The following TIAM1 variants were observed in gnomAD, a reference collection of about 807,000 sequenced individuals.
TIAM1 encodes the protein rho guanine nucleotide exchange factor TIAM1.
TIAM1 carries 65 observed loss-of-function variants against 163.5 expected under a neutral mutation model. The ratio of observed to expected loss-of-function variants is 0.40; its 90% CI spans 0.33 to 0.49. The LOEUF (loss-of-function observed/expected upper bound fraction) is 0.49, where lower values mean the gene tolerates loss of function less well. Ranked by LOEUF, TIAM1 falls within the 20% of genes least tolerant of loss-of-function variation. The pLI, the probability that TIAM1 is intolerant of heterozygous loss-of-function variation, is 0.77. For missense variants in TIAM1, 1,789 were observed against 2,044.7 expected, an observed-to-expected ratio of 0.87 and a Z score of 2.41; for synonymous variants, 833 against 810.1, an observed-to-expected ratio of 1.03 and a Z score of -0.48.
At chr21:31,234,772 A>T (rs1319746597) in intron 6 of TIAM1, among the ~76,000 whole-genome samples, 1 of 44,556 alleles carries the variant, frequency 2.2e-5, no homozygotes, top group Non-Finnish European at 4.2e-5. Context: ...ACAGAGTGAG[A>T]CCCTGTCTCC....
upstream of TIAM1, among the ~76,000 whole-genome samples, chr21:31,344,672 A>G (rs2076112576): frequency 6.6e-6 from 1 of 152,206 alleles, no homozygotes; most frequent in Non-Finnish European, 1.5e-5. Context: ...ATCTATTGAA[A>G]AGGAGTGAAG....
At chr21:31,167,540 T>C (rs1407577467) in intron 15 of TIAM1, among the ~76,000 whole-genome samples, 1 of 152,096 alleles carries the variant, frequency 6.6e-6, no homozygotes, top group African/African-American at 2.4e-5. Context: ...ATGAAGAAGA[T>C]AAAGTTGATA....
chr21:31,429,955 T>G (rs7282929), intron 2 of TIAM1, among the ~76,000 whole-genome samples: 5,901 of 152,094 alleles, frequency 0.039, 381 homozygotes, highest in African/African-American at 0.13. Flanking sequence ...ACGCCTGTCC[T>G]AGCACTTTGG....
intron 2 of TIAM1, among the ~76,000 whole-genome samples, chr21:31,397,533 C>G (rs1400791272): frequency 6.6e-6 from 1 of 152,158 alleles, no homozygotes; most frequent in Non-Finnish European, 1.5e-5. Flanking sequence ...ATGAAAATCA[C>G]ATTGACCAAA....
chr21:31,153,712 C>CATATATAT (rs10547949), intron 17 of TIAM1, among the ~76,000 whole-genome samples: 20 of 150,288 alleles, frequency 1.3e-4, no homozygotes, highest in African/African-American at 3.9e-4. Context: ...ACAACACATA[C>CATATATAT]ATATATATAT....
chr21:31,378,802 A>AT (rs1370302829), intron 2 of TIAM1, among the ~76,000 whole-genome samples: 1 of 152,206 alleles, frequency 6.6e-6, no homozygotes, highest in African/African-American at 2.4e-5. Flanking sequence ...TCCGTACTGC[A>AT]TATGTACAGG....
chr21:31,296,827 C>T (rs996380925), intron 2 of TIAM1, among the ~76,000 whole-genome samples: 1 of 152,162 alleles, frequency 6.6e-6, no homozygotes, highest in East Asian at 1.9e-4. Context: ...CCACGCCCAG[C>T]TAATTTTTTG....
At chr21:31,177,779 G>A (rs961120161) in intron 15 of TIAM1, among the ~76,000 whole-genome samples, 9 of 152,116 alleles carry the variant, frequency 5.9e-5, no homozygotes, top group Non-Finnish European at 1.2e-4. Flanking sequence ...ACTCACTCAG[G>A]GTCCTTAAGG....
intron 2 of TIAM1, among the ~76,000 whole-genome samples, chr21:31,350,359 C>T (rs2076214929): frequency 6.6e-6 from 1 of 151,948 alleles, no homozygotes. Flanking sequence ...TTTGGGGGGC[C>T]AAAACATACT....
chr21:31,225,957 C>G lies in TIAM1; in HGVS notation c.1585-7G>C, dbSNP rs761182771. The G allele has an allele frequency of 6.2e-7, 1 of 1,611,616 alleles. No individual in the cohort carries two copies. Among genetic ancestry groups the G allele is most frequent in the East Asian group, 2.2e-5 (1 of 44,802 alleles). On this transcript the variant is annotated splice_polypyrimidine_tract_variant and splice_region_variant and intron_variant, in intron 6 of 27. Coordinates refer to ENST00000541036, the MANE Select transcript of TIAM1 (RefSeq NM_001353694.2). Reference sequence around the variant, plus strand: ...GCTCCGTCTGGCTAGTGGTCTGTACCAGGAAGAAGGGGCAGGAAGAAAAAG... The same window carrying G: ...GCTCCGTCTGGCTAGTGGTCTGTACGAGGAAGAAGGGGCAGGAAGAAAAAG...
chr21:31,150,639 A>G (rs999321867), intron 19 of TIAM1, among the ~76,000 whole-genome samples: 2 of 152,190 alleles, frequency 1.3e-5, no homozygotes, highest in Non-Finnish European at 2.9e-5. Flanking sequence ...AAACTACAAA[A>G]CTTCTAAGAG....
chr21:31,246,257 C>G (rs1165045455), intron 5 of TIAM1, among the ~76,000 whole-genome samples: 2 of 151,838 alleles, frequency 1.3e-5, no homozygotes, highest in African/African-American at 4.8e-5. Flanking sequence ...TGCCCTTGTT[C>G]CTACTGAAAG....
Position 31,315,523 on chromosome 21 carries a change from A to G in TIAM1, c.-189+23720T>C, listed in dbSNP as rs142118188. 2.5e-3 allele frequency among the ~76,000 whole-genome samples: 383 copies of G among 151,764 alleles called. 2 individuals are homozygous for G. Among genetic ancestry groups the G allele is most frequent in the Middle Eastern group, 0.02 (6 of 294 alleles). Reference sequence around the variant, plus strand: ...GAGCAAGACTCCCTCTCAAAAAAAAAAAGTAGCCGGGTGTGGTGGCGCATA... The same window carrying G: ...GAGCAAGACTCCCTCTCAAAAAAAAGAAGTAGCCGGGTGTGGTGGCGCATA... On this transcript the variant is annotated intron_variant, in intron 2 of 27. Coordinates refer to ENST00000541036, the MANE Select transcript of TIAM1 (RefSeq NM_001353694.2).
chr21:31,235,424 C>T lies in TIAM1; in HGVS notation c.1585-9474G>A, dbSNP rs114511374. Among the ~76,000 whole-genome samples, 1,130 of 152,174 alleles carry T rather than the reference C, an allele frequency of 7.4e-3. 17 individuals carry two copies. The highest frequency in any genetic ancestry group is 0.026 in the African/African-American group (1,060 of 41,528). On this transcript the variant is annotated intron_variant, in intron 6 of 27. Transcript: ENST00000541036. Reference sequence around the variant, plus strand: ...TGCTTTAATCCTAAATGTTCATATACCTATATGGGAAGATGAGGAAAGAAG... The same window carrying T: ...TGCTTTAATCCTAAATGTTCATATATCTATATGGGAAGATGAGGAAAGAAG...
chr21:31,340,269 A>G (rs1430382222), intron 1 of TIAM1, among the ~76,000 whole-genome samples: 1 of 151,986 alleles, frequency 6.6e-6, no homozygotes, highest in Non-Finnish European at 1.5e-5. Flanking sequence ...GAGAGACCCT[A>G]AGAAGAACCA....
chr21:31,183,681 A>G (rs889579403), intron 14 of TIAM1, among the ~76,000 whole-genome samples: 9 of 152,000 alleles, frequency 5.9e-5, no homozygotes, highest in Non-Finnish European at 1.3e-4. Flanking sequence ...TCAGGTTTCT[A>G]AAATATCTGA....
Position 31,310,445 on chromosome 21 carries a change from G to A in TIAM1, c.-189+28798C>T, listed in dbSNP as rs188777588. Among the ~76,000 whole-genome samples, 225 of 152,270 alleles carry A rather than the reference G, an allele frequency of 1.5e-3. 1 individual carries two copies. The highest frequency in any genetic ancestry group is 5.2e-3 in the African/African-American group (217 of 41,552). The stretch of plus-strand genomic sequence containing the variant: ...AAATCCATGAAGCCACTGAAATTCC[G>A]GGTTGTGCGTTACAAGAGTCAGCCA... On this transcript the variant is annotated intron_variant, in intron 2 of 27. Transcript: ENST00000541036.
chr21:31,238,107 T>G (rs969051791), intron 6 of TIAM1, among the ~76,000 whole-genome samples: 1 of 152,196 alleles, frequency 6.6e-6, no homozygotes, highest in Non-Finnish European at 1.5e-5. Context: ...GGTATTTGAG[T>G]AACAGTGTCA....
chr21:31,402,465 C>A (rs2077181703), intron 2 of TIAM1, among the ~76,000 whole-genome samples: 1 of 152,090 alleles, frequency 6.6e-6, no homozygotes, highest in African/African-American at 2.4e-5. Context: ...GATGCAGGAC[C>A]AACGTCTCTT....
Sources: allele counts gnomAD v4.1 joint callset (sites outside exome capture counted in the v4.1 genomes callset), GRCh38; gene constraint gnomAD v4.1.1; transcripts MANE v1.5; gene names NCBI Gene and HGNC (gene_info 2026-07-23, HGNC 2026-07-21).